The following COLGALT2 variants were observed in gnomAD, a reference collection of about 807,000 sequenced individuals.
COLGALT2 encodes procollagen galactosyltransferase 2.
COLGALT2 carries 49 observed loss-of-function variants against 73.4 expected under a neutral mutation model. The ratio of observed to expected loss-of-function variants is 0.67; its 90% CI spans 0.53 to 0.85. The LOEUF is 0.85. COLGALT2 is among the 40% of genes least tolerant of loss of function. The pLI, the probability that COLGALT2 is intolerant of heterozygous loss-of-function variation, is 0.00. For synonymous variants in COLGALT2, 295 were observed against 307.6 expected (o/e 0.96, Z 0.43); for missense variants, 722 against 790.2 (o/e 0.91, Z 1.03).
chr1:183,977,566 G>A (rs559286787), intron 2 of COLGALT2, among the ~76,000 whole-genome samples: 9 of 151,966 alleles, frequency 5.9e-5, no homozygotes, highest in Non-Finnish European at 8.8e-5. Context: ...TGGGAGGATC[G>A]CTTGAGGCCA....
chr1:184,035,126 T>G (rs1332929462), intron 1 of COLGALT2, among the ~76,000 whole-genome samples: 1 of 148,214 alleles, frequency 6.7e-6, no homozygotes, highest in Non-Finnish European at 1.5e-5. Context: ...GAACTGGAAT[T>G]CTCTCATCTA....
chr1:183,933,146 C>T (rs546957051), downstream of COLGALT2, among the ~76,000 whole-genome samples: 1 of 152,324 alleles, frequency 6.6e-6, no homozygotes, highest in African/African-American at 2.4e-5. Context: ...GCTGTCACCA[C>T]TTCCATTTGA....
chr1:183,930,561 TTC>T (rs1231822565), intron 11 of COLGALT2, among the ~76,000 whole-genome samples: 3 of 86,084 alleles, frequency 3.5e-5, no homozygotes, highest in African/African-American at 1.1e-4. Context: ...TGCTAATTTT[TTC>T]TTTTTCTTTT....
At chr1:184,002,589 A>C (rs1422004917) in intron 1 of COLGALT2, among the ~76,000 whole-genome samples, 1 of 152,236 alleles carries the variant, frequency 6.6e-6, no homozygotes, top group Non-Finnish European at 1.5e-5. Flanking sequence ...ACAAAAATAA[A>C]ATAGGACCAA....
rs753279163 is a variant in COLGALT2 at position 183,940,589 on chromosome 1, CTTG to C, written c.1593_1595del (p.Asn531del). 2 of 1,614,194 alleles carry C rather than the reference CTTG, an allele frequency of 1.2e-6. No individual in the cohort carries two copies. The highest frequency in any genetic ancestry group is 8.5e-7 in the Non-Finnish European group (1 of 1,180,024). On this transcript the variant is annotated inframe_deletion, in exon 11 of 12. Transcript: ENST00000361927. ...AGTTCAGGGAGACTCACACGGGATGCTTGTTGTACATGACTGGCAGAAACTCAT... is the reference window on the plus strand; with the variant it reads ...AGTTCAGGGAGACTCACACGGGATGCTTGTACATGACTGGCAGAAACTCAT...
intron 10 of COLGALT2, among the ~76,000 whole-genome samples, chr1:183,943,784 C>T (rs550154361): frequency 4.6e-5 from 7 of 152,154 alleles, no homozygotes; most frequent in Non-Finnish European, 8.8e-5. Flanking sequence ...ACCTGCTGTC[C>T]CGGGAGCTGA....
At chr1:183,966,359 A>G (rs909247843) in intron 5 of COLGALT2, among the ~76,000 whole-genome samples, 1 of 152,208 alleles carries the variant, frequency 6.6e-6, no homozygotes, top group African/African-American at 2.4e-5. Flanking sequence ...CATATTAAAC[A>G]TTTTCTTGTA....
intron 1 of COLGALT2, among the ~76,000 whole-genome samples, chr1:184,020,527 C>T (rs1032105738): frequency 5.3e-5 from 8 of 152,166 alleles, no homozygotes; most frequent in Non-Finnish European, 1.0e-4. Flanking sequence ...CCCTCCTCAA[C>T]ATCTTGACAA....
intron 7 of COLGALT2, 102 bp from the exon 8 acceptor site, chr1:183,951,215 A>C: frequency 1.3e-6 from 1 of 779,692 alleles, no homozygotes; most frequent in Non-Finnish European, 2.2e-6. Context: ...GAAGGAGTGG[A>C]AAAGATAGGA....
Position 183,963,912 on chromosome 1 carries a change from A to T in COLGALT2, c.941T>A (p.Ile314Asn). 6.2e-7 allele frequency: 1 copy of T among 1,607,070 alleles called. No homozygotes were observed. ...CCTGGGTCACTCACTCATTGCTTCA[A>T]TCTGCACATGGATGAGGTTCTCGAT... The part of the protein sequence containing the change: ...EDIENLIHVQ[I>N]EAMIDRPPME... The change falls in exon 6 of 12, where the codon ATT (isoleucine) becomes AAT (asparagine). Residue 314 changes from isoleucine (I) to asparagine (N), a missense_variant. Ile to Asn is a moderately radical substitution (Grantham distance 149). Transcript: ENST00000361927.
intron 1 of COLGALT2, among the ~76,000 whole-genome samples, chr1:183,991,719 G>A (rs961885603): frequency 6.6e-6 from 1 of 152,218 alleles, no homozygotes. Context: ...GGAGACTACA[G>A]TTTGGCAGGT....
At chr1:183,931,175 A>G (rs1257353848), downstream of COLGALT2, among the ~76,000 whole-genome samples, 3 of 152,192 alleles carry the variant, frequency 2.0e-5, no homozygotes, top group East Asian at 5.8e-4. Flanking sequence ...CACTCTGAGC[A>G]TATCACACTG....
chr1:183,973,444 G>A (rs998250697), intron 4 of COLGALT2, among the ~76,000 whole-genome samples, 172 bp downstream of exon 4: 2 of 152,116 alleles, frequency 1.3e-5, no homozygotes, highest in African/African-American at 4.8e-5. Context: ...GCCCAACTGG[G>A]TGTAGCATTG....
At chr1:183,990,429 A>AT (rs1180660607) in intron 1 of COLGALT2, among the ~76,000 whole-genome samples, 3 of 152,232 alleles carry the variant, frequency 2.0e-5, no homozygotes, top group Non-Finnish European at 2.9e-5. Context: ...CTGGAAAGCA[A>AT]CACCTTGTCA....
intron 5 of COLGALT2, among the ~76,000 whole-genome samples, chr1:183,966,659 T>C (rs1453637757): frequency 6.6e-6 from 1 of 152,238 alleles, no homozygotes; most frequent in Non-Finnish European, 1.5e-5. Flanking sequence ...CTCACCTCTT[T>C]TGACTCACAT....
At chr1:184,036,738 A>T (rs1346522350) in intron 1 of COLGALT2, among the ~76,000 whole-genome samples, 1 of 152,214 alleles carries the variant, frequency 6.6e-6, no homozygotes, top group Non-Finnish European at 1.5e-5. Flanking sequence ...AGGTGGGGAA[A>T]GAGGAAACCT....
rs1273011884 is a variant in COLGALT2, at chr1:183,940,655, C to T, written c.1530G>A (p.Leu510=). 1 of 1,614,234 alleles carries T rather than the reference C, an allele frequency of 6.2e-7. No individual in the cohort carries two copies. The highest frequency in any genetic ancestry group is 8.5e-7 in the Non-Finnish European group (1 of 1,180,052). Residue 510 remains leucine, a synonymous_variant, in exon 11 of 12, where the codon CTG becomes CTA. Transcript: ENST00000361927. ...TCTTCCCAAAAGGATTGGCTCCAAC[C>T]AGCTTCTGTGCTCCTTCCAGAGAGA... ...YVISLEGAQK[L]VGANPFGKML... is the part of the protein sequence containing the mutation.
chr1:183,971,974 A>G (rs1306013603), intron 4 of COLGALT2, among the ~76,000 whole-genome samples: 1 of 152,244 alleles, frequency 6.6e-6, no homozygotes, highest in African/African-American at 2.4e-5. Flanking sequence ...AATGCTACCA[A>G]CTAGGGTTTT....
downstream of COLGALT2, among the ~76,000 whole-genome samples, chr1:183,933,361 A>G (rs2102781507): frequency 6.6e-6 from 1 of 152,236 alleles, no homozygotes; most frequent in South Asian, 2.1e-4. Context: ...CTCCCCTCGG[A>G]TTCTCAACAG....
Sources: gnomAD v4.1 joint callset for allele counts (sites outside exome capture counted in the v4.1 genomes callset) on GRCh38, gnomAD v4.1.1 for gene constraint, MANE v1.5 for transcripts, NCBI Gene and HGNC (gene_info 2026-07-23, HGNC 2026-07-21) for gene names.